Variants in MACROD2 observed in about 807,000 individuals in gnomAD.
The protein encoded by MACROD2 is ADP-ribose glycohydrolase MACROD2.
MACROD2 carries 36 observed loss-of-function variants against 70.4 expected under a neutral mutation model. The ratio of observed to expected loss-of-function variants is 0.51; its 90% CI spans 0.39 to 0.68. MACROD2 has a LOEUF of 0.68. MACROD2 is among the 30% of genes least tolerant of loss of function. MACROD2 has a pLI of 0.00. For synonymous variants in MACROD2, 172 were observed against 178.8 expected, an observed-to-expected ratio of 0.96 and a Z score of 0.30; for missense variants, 496 against 538.4, an observed-to-expected ratio of 0.92 and a Z score of 0.78.
chr20:15,643,358 T>C (rs971129821), intron 8 of MACROD2, among the ~76,000 whole-genome samples: 1 of 152,248 alleles, frequency 6.6e-6, no homozygotes, highest in African/African-American at 2.4e-5. Context: ...ATCTGACTCA[T>C]TTCTTATCAT....
intron 8 of MACROD2, among the ~76,000 whole-genome samples, chr20:15,506,531 C>T (rs1289329243): frequency 6.6e-6 from 1 of 152,136 alleles, no homozygotes; most frequent in Admixed American, 6.5e-5. Flanking sequence ...TGAGCATATG[C>T]AGTGTTAAAA....
chr20:14,529,023 G>A (rs952281995), intron 4 of MACROD2, among the ~76,000 whole-genome samples: 1 of 152,118 alleles, frequency 6.6e-6, no homozygotes, highest in African/African-American at 2.4e-5. Context: ...GGTAAACCTT[G>A]ATGAGTTCAT....
intron 8 of MACROD2, among the ~76,000 whole-genome samples, chr20:15,617,621 A>G (rs951528686): frequency 2.0e-5 from 3 of 152,250 alleles, no homozygotes; most frequent in Non-Finnish European, 4.4e-5. Flanking sequence ...ATTCATGGCC[A>G]GAGAATTCTA....
At position 15,377,039 on chromosome 20, in the gene MACROD2, T is replaced by C. The variant is rs73614411; in HGVS notation, c.541-54366T>C. 5.5e-4 allele frequency among the ~76,000 whole-genome samples: 83 copies of C among 152,164 alleles called. 3 individuals are homozygous for C. The East Asian group carries it at 0.014, about 25-fold the overall frequency. On this transcript the variant is annotated intron_variant, in intron 6 of 17. Coordinates refer to ENST00000684519, the MANE Select transcript of MACROD2 (RefSeq NM_001351661.2). ...CTGAGTAGCTGGGACTACAGGCACC[T>C]GCCACCATGCCTGGCTAATTTTTTG...
intron 5 of MACROD2, among the ~76,000 whole-genome samples, chr20:14,954,824 A>ATATATAATTTATATTATATGTAAT (rs1568895315): frequency 1.1e-5 from 1 of 87,654 alleles, no homozygotes; most frequent in Middle Eastern, 0.013. Context: ...AATATAAATT[A>ATATATAATTTATATTATATGTAAT]TAAATATATT....
Position 15,456,570 on chromosome 20 carries a change from C to A in MACROD2, c.571+25135C>A, listed in dbSNP as rs569554261. ...TAAAATTAAGTGCTTCTGGTGTGAA[C>A]TGAGTCTTCAGGAAAGGCTATTAAT... On this transcript the variant is annotated intron_variant, in intron 7 of 17. Transcript: ENST00000684519. Among the ~76,000 whole-genome samples the A allele has an allele frequency of 2.7e-3, 405 of 152,284 alleles. 1 individual carries two copies. The highest frequency in any genetic ancestry group is 9.3e-3 in the African/African-American group (387 of 41,566).
intron 5 of MACROD2, among the ~76,000 whole-genome samples, chr20:14,802,967 C>T (rs940558983): frequency 6.6e-6 from 1 of 152,018 alleles, no homozygotes; most frequent in Non-Finnish European, 1.5e-5. Context: ...TCACCCGTTG[C>T]TTAACGTCAA....
chr20:15,417,616 AG>A (rs57967362), intron 6 of MACROD2, among the ~76,000 whole-genome samples: 11,859 of 99,914 alleles, frequency 0.12, 685 homozygotes, highest in Non-Finnish European at 0.17. Context: ...AAAAAAAAAA[AG>A]AAAGAAAGAA....
chr20:14,668,152 T>G (rs1408385783), intron 4 of MACROD2, among the ~76,000 whole-genome samples: 3 of 151,008 alleles, frequency 2.0e-5, no homozygotes, highest in Admixed American at 1.3e-4. Flanking sequence ...AGACCCTGTC[T>G]CTTAAAAAAA....
At chr20:14,902,648 A>G (rs960789157) in intron 5 of MACROD2, among the ~76,000 whole-genome samples, 2 of 152,148 alleles carry the variant, frequency 1.3e-5, no homozygotes, top group African/African-American at 2.4e-5. Context: ...GAAGAGAGGC[A>G]GGGTGGTCAG....
At chr20:15,755,075 T>C (rs1421690387) in intron 8 of MACROD2, among the ~76,000 whole-genome samples, 1 of 152,132 alleles carries the variant, frequency 6.6e-6, no homozygotes, top group East Asian at 1.9e-4. Context: ...GCCGGGCTGG[T>C]CTTGAACTCC....
intron 4 of MACROD2, among the ~76,000 whole-genome samples, chr20:14,569,345 C>A (rs1357085117): frequency 6.6e-6 from 1 of 151,976 alleles, no homozygotes; most frequent in Non-Finnish European, 1.5e-5. Context: ...ATTAAAACTT[C>A]AATTTCACAT....
intron 3 of MACROD2, among the ~76,000 whole-genome samples, chr20:14,379,769 G>A (rs1235313619): frequency 6.6e-6 from 1 of 151,946 alleles, no homozygotes; most frequent in Non-Finnish European, 1.5e-5. Flanking sequence ...GTTTATCAAT[G>A]TTGTACCATG....
At chr20:14,524,605 C>T (rs943772106) in intron 4 of MACROD2, among the ~76,000 whole-genome samples, 3 of 152,124 alleles carry the variant, frequency 2.0e-5, no homozygotes, top group African/African-American at 7.2e-5. Context: ...GGAAGCCTAC[C>T]ACTTACGTAT....
At chr20:15,800,433 T>C (rs1257139237) in intron 8 of MACROD2, among the ~76,000 whole-genome samples, 1 of 152,240 alleles carries the variant, frequency 6.6e-6, no homozygotes, top group Non-Finnish European at 1.5e-5. Context: ...TATATCTATA[T>C]CTTTAATTCA....
rs1032438845 is a variant in MACROD2 at position 15,457,071 on chromosome 20, TTTTTAA to T, written c.571+25637_571+25642del. Among the ~76,000 whole-genome samples the T allele has an allele frequency of 1.5e-4, 22 of 147,748 alleles. 1 individual carries two copies. The highest frequency in any genetic ancestry group is 8.7e-4 in the South Asian group (4 of 4,622). Reference sequence around the variant, plus strand: ...TCCTTTCTTCTTTTTTTTTTTTTTTTTTTTAAAAAAAAAGCATTTGACTTTTGAATA... The same window carrying T: ...TCCTTTCTTCTTTTTTTTTTTTTTTTAAAAAAAGCATTTGACTTTTGAATA... On this transcript the variant is annotated intron_variant, in intron 7 of 17. Coordinates refer to ENST00000684519, the MANE Select transcript of MACROD2 (RefSeq NM_001351661.2).
chr20:14,071,789 G>T (rs2053846826), intron 2 of MACROD2, among the ~76,000 whole-genome samples: 1 of 152,048 alleles, frequency 6.6e-6, no homozygotes, highest in Non-Finnish European at 1.5e-5. Flanking sequence ...AAGGTCATAG[G>T]CCAGGTGTGG....
At chr20:15,136,125 G>A (rs200583011) in intron 5 of MACROD2, among the ~76,000 whole-genome samples, 20,769 of 150,242 alleles carry the variant, frequency 0.14, 1,477 homozygotes, top group East Asian at 0.36. Flanking sequence ...TCGTGAAAAT[G>A]GCCATACTGC....
At chr20:15,520,907 T>C (rs1419472247) in intron 8 of MACROD2, among the ~76,000 whole-genome samples, 1 of 152,268 alleles carries the variant, frequency 6.6e-6, no homozygotes, top group African/African-American at 2.4e-5. Flanking sequence ...GGACTGCACA[T>C]AGATCTCACT....
Sources: gnomAD v4.1 joint callset for allele counts (sites outside exome capture counted in the v4.1 genomes callset) on GRCh38, gnomAD v4.1.1 for gene constraint, MANE v1.5 for transcripts, NCBI Gene and HGNC (gene_info 2026-07-23, HGNC 2026-07-21) for gene names.